DZANK1: variants seen among roughly 807,000 people sequenced by gnomAD.
DZANK1 encodes double zinc ribbon and ankyrin repeat domains 1, also known as double zinc ribbon and ankyrin repeat-containing protein 1.
In DZANK1, 91 loss-of-function variants were observed where a neutral mutation model predicts 94.5. That is an observed-to-expected ratio of 0.96 (90% CI 0.81 to 1.15). DZANK1 has a LOEUF of 1.15. Ranked by LOEUF, DZANK1 falls within the 50% of genes most tolerant of loss-of-function variation. The probability of loss-of-function intolerance (pLI) is 0.00; values close to 1 mark genes in which losing one functional copy is unlikely to be tolerated. For synonymous variants in DZANK1, 312 were observed against 325.3 expected, an observed-to-expected ratio of 0.96 and a Z score of 0.44; for missense variants, 903 against 916.4, an observed-to-expected ratio of 0.99 and a Z score of 0.19.
chr20:18,436,882 A>G (rs2058545665), intron 8 of DZANK1, among the ~76,000 whole-genome samples: 1 of 152,226 alleles, frequency 6.6e-6, no homozygotes, highest in Admixed American at 6.5e-5. Flanking sequence ...TAGAATGACA[A>G]ATTCAAAGAG....
intron 14 of DZANK1, 53 bp from the exon 15 acceptor site, chr20:18,396,599 C>T (rs2056357004): frequency 1.5e-6 from 2 of 1,306,202 alleles, no homozygotes; most frequent in Non-Finnish European, 1.1e-6. Flanking sequence ...GGACTCATTG[C>T]CTTAAGTAAC....
intron 8 of DZANK1, among the ~76,000 whole-genome samples, chr20:18,439,886 CTG>C (rs2058666264): frequency 6.6e-6 from 1 of 152,162 alleles, no homozygotes; most frequent in Non-Finnish European, 1.5e-5. Flanking sequence ...AGGGACTAAA[CTG>C]TGCCCCCCAG....
chr20:18,390,491 C>T (rs774129002), intron 17 of DZANK1, 32 bp from the exon 18 acceptor site: 1 of 1,600,342 alleles, frequency 6.2e-7, no homozygotes. Context: ...TCATTTCCCC[C>T]ACTTCAAAAT....
chr20:18,460,074 T>G (rs2059421732), intron 3 of DZANK1, 79 bp downstream of exon 3: 4 of 1,103,972 alleles, frequency 3.6e-6, no homozygotes, highest in Non-Finnish European at 4.9e-6. Context: ...GCACTGATTC[T>G]GATAGGAAAA....
intron 10 of DZANK1, among the ~76,000 whole-genome samples, chr20:18,425,933 C>A (rs1333433226): frequency 1.3e-5 from 2 of 152,108 alleles, no homozygotes; most frequent in Non-Finnish European, 2.9e-5. Context: ...GGAGTGTGGC[C>A]CTGCCAACAC....
chr20:18,418,142 T>C (rs939903601), intron 10 of DZANK1, among the ~76,000 whole-genome samples: 1 of 151,132 alleles, frequency 6.6e-6, no homozygotes, highest in Non-Finnish European at 1.5e-5. Context: ...CAGAAGCAGG[T>C]AGAGTTGCAG....
chr20:18,460,146 A>G lies in DZANK1; in HGVS notation c.263+7T>C. The G allele has an allele frequency of 6.7e-7, 1 of 1,492,628 alleles. No homozygotes were observed. The highest frequency in any genetic ancestry group is 1.4e-5 in the South Asian group (1 of 70,270). 92.5% of individuals were successfully genotyped at this position (1,492,628 alleles called of 1,614,324 possible). A position where few individuals can be genotyped will look rare whatever the true frequency, so the allele number is the denominator to read the frequency against. On this transcript the variant is annotated splice_region_variant and intron_variant, in intron 3 of 20. Coordinates refer to ENST00000262547, the Ensembl canonical transcript of DZANK1. ...AAATTAAATTAATCACCATGCTCTT[A>G]ACTTACTTAGAGACAGCAATAGCTT...
At chr20:18,398,596 G>A (rs745802938) in exon 14 of DZANK1, 1 of 1,614,036 alleles carries the variant, frequency 6.2e-7, no homozygotes, top group Non-Finnish European at 8.5e-7. Context: ...GAGGTGAGCA[G>A]AGATGTGATC....
intron 13 of DZANK1, among the ~76,000 whole-genome samples, chr20:18,404,335 CT>C (rs2056845498): frequency 6.6e-6 from 1 of 152,116 alleles, no homozygotes; most frequent in Admixed American, 6.5e-5. Flanking sequence ...ATAAGCACAG[CT>C]TAATGGCTAG....
At chr20:18,460,237 T>C (rs1001395463) in exon 3 of DZANK1, 3 of 1,595,136 alleles carry the variant, frequency 1.9e-6, no homozygotes, top group Non-Finnish European at 2.6e-6. Context: ...ATTTTCCCCA[T>C]AACCAATTCT....
chr20:18,391,304 G>A (rs1210513710), intron 17 of DZANK1, among the ~76,000 whole-genome samples: 2 of 152,100 alleles, frequency 1.3e-5, no homozygotes, highest in African/African-American at 4.8e-5. Flanking sequence ...CACGATCCTG[G>A]CTCACTGCAA....
chr20:18,390,377 A>G lies in DZANK1; in HGVS notation c.1890+2T>C, dbSNP rs768468768. ...GAGACTGGCTCCTTTGGCAACACTT[A>G]CCTCATCCAGCAGCTGTTCAATCAC... On this transcript the variant is annotated splice_donor_variant, in intron 18 of 20. Transcript: ENST00000262547. LOFTEE classifies it high-confidence loss of function. 32 of 1,613,586 alleles carry G rather than the reference A, an allele frequency of 2.0e-5. No individual in the cohort carries two copies. In the African/African-American group the frequency reaches 3.6e-4, roughly 18 times the overall value.
chr20:18,399,302 T>C (rs1326538099), intron 13 of DZANK1, among the ~76,000 whole-genome samples: 4 of 152,070 alleles, frequency 2.6e-5, no homozygotes, highest in Non-Finnish European at 4.4e-5. Context: ...GATCATGGCT[T>C]ACCACAGCCT....
At chr20:18,413,707 G>A (rs1480342812) in intron 12 of DZANK1, among the ~76,000 whole-genome samples, 1 of 152,086 alleles carries the variant, frequency 6.6e-6, no homozygotes, top group Non-Finnish European at 1.5e-5. Flanking sequence ...TTGAACCTGG[G>A]AGGCAGAGGT....
In DZANK1 at chr20:18,412,862, G is replaced by A. The variant is rs780279064; in HGVS notation, c.1243-27C>T. 1 of 1,607,386 alleles carries A rather than the reference G, an allele frequency of 6.2e-7. No individual in the cohort carries two copies. Among genetic ancestry groups the A allele is most frequent in the South Asian group, 1.1e-5 (1 of 90,220 alleles). On this transcript the variant is annotated intron_variant, in intron 12 of 20. Coordinates refer to ENST00000262547, the Ensembl canonical transcript of DZANK1. The stretch of plus-strand genomic sequence containing the variant: ...TGCCAGGCACATCGGGGCCATGCGT[G>A]AGGCAGAAGACATTTTTAAAATTAG...
chr20:18,428,720 C>T (rs2058162231), intron 9 of DZANK1: 1 of 152,168 alleles, frequency 6.6e-6, no homozygotes, highest in Non-Finnish European at 1.5e-5. Context: ...TGTCCTGAAA[C>T]TAATATATCA....
At chr20:18,404,915 GA>G (rs1296165874) in intron 13 of DZANK1, among the ~76,000 whole-genome samples, 2,492 of 129,308 alleles carry the variant, frequency 0.019, 25 homozygotes, top group Middle Eastern at 0.022. Flanking sequence ...TTGACTCTTA[GA>G]AAAAAAAAAA....
chr20:18,449,193 G>A (rs1208684753), intron 6 of DZANK1, 124 bp from the exon 7 acceptor site: 2 of 773,238 alleles, frequency 2.6e-6, no homozygotes, highest in Non-Finnish European at 4.2e-6. Context: ...ATATAAAGAG[G>A]AATAATAGAC....
Position 18,460,325 on chromosome 20 carries a change from G to T in DZANK1, c.110-19C>A. ...GGAGTGTCTGAAAAATCCAAAACAG[G>T]ATAACTATAATTAACACCAAAGTAG... On this transcript the variant is annotated intron_variant, in intron 2 of 20. Coordinates refer to ENST00000262547, the Ensembl canonical transcript of DZANK1. 1 of 1,488,816 alleles carries T rather than the reference G, an allele frequency of 6.7e-7. No individual in the cohort carries two copies. Among genetic ancestry groups the T allele is most frequent in the Non-Finnish European group, 9.1e-7 (1 of 1,101,568 alleles). The allele number at this position is 1,488,816 out of a possible 1,614,324, so 92.2% of individuals were successfully genotyped here. A position where few individuals can be genotyped will look rare whatever the true frequency, so the allele number is the denominator to read the frequency against.
Sources: allele counts gnomAD v4.1 joint callset (sites outside exome capture counted in the v4.1 genomes callset), GRCh38; gene constraint gnomAD v4.1.1; transcripts MANE v1.5; gene names NCBI Gene and HGNC (gene_info 2026-07-23, HGNC 2026-07-21).